LYZL2: variants seen among roughly 807,000 people sequenced by gnomAD.
LYZL2 encodes the protein lysozyme-like protein 2.
LYZL2 carries 13 observed loss-of-function variants against 17.1 expected under a neutral mutation model. The ratio of observed to expected loss-of-function variants is 0.76; its 90% confidence interval spans 0.49 to 1.21. The LOEUF (loss-of-function observed/expected upper bound fraction) is 1.21, where lower values mean the gene tolerates loss of function less well. Among genes scored for constraint, LYZL2 ranks in the 50% most tolerant of loss-of-function variants. The probability of loss-of-function intolerance (pLI) is 0.00; values close to 1 mark genes in which losing one functional copy is unlikely to be tolerated. For missense variants in LYZL2, 166 were observed against 189.2 expected, an observed-to-expected ratio of 0.88 and a Z score of 0.72; for synonymous variants, 63 against 74.4, an observed-to-expected ratio of 0.85 and a Z score of 0.79.
At chr10:30,615,280 GA>G (rs1564407153) in intron 3 of LYZL2, among the ~76,000 whole-genome samples, 1 of 152,208 alleles carries the variant, frequency 6.6e-6, no homozygotes, top group Non-Finnish European at 1.5e-5. Context: ...AAGGAAGTGA[GA>G]CCCAGAAAGA....
chr10:30,629,660 T>C lies in LYZL2; in HGVS notation c.-93A>G, dbSNP rs1233898221. On this transcript the variant is annotated 5_prime_UTR_variant, in exon 1 of 5. Transcript: ENST00000647634. Reference sequence around the variant, plus strand: ...TCAGTTGAGTCTGCGGAAGAAACACTGCTCCACTTAGTCGGTGACAGGCAG... The same window carrying C: ...TCAGTTGAGTCTGCGGAAGAAACACCGCTCCACTTAGTCGGTGACAGGCAG... The C allele has an allele frequency of 1.2e-6, 2 of 1,614,092 alleles. No individual in the cohort carries two copies. Among genetic ancestry groups the C allele is most frequent in the African/African-American group, 2.7e-5 (2 of 74,956 alleles).
At chr10:30,627,180 T>C (rs150974535) in intron 1 of LYZL2, among the ~76,000 whole-genome samples, 2,124 of 148,508 alleles carry the variant, frequency 0.014, 38 homozygotes, top group African/African-American at 0.043. Context: ...GTTAAGTAAG[T>C]GAAAAAATTA....
At position 30,611,938 on chromosome 10, in the gene LYZL2, C is replaced by G. The variant is rs1200402874; in HGVS notation, c.*17G>C. On this transcript the variant is annotated 3_prime_UTR_variant, in exon 5 of 5. Transcript: ENST00000647634. ...CCCTAGGGCGTTGCTGCAAAGCATC[C>G]TGGGTCCAGTTCCAGTTTAGGAAAC... is the stretch of plus-strand genomic sequence containing the variant. The G allele has an allele frequency of 6.2e-7, 1 of 1,614,078 alleles. No individual in the cohort carries two copies. The highest frequency in any genetic ancestry group is 1.3e-5 in the African/African-American group (1 of 74,942).
At chr10:30,629,074 G>A (rs1230112523) in intron 1 of LYZL2, among the ~76,000 whole-genome samples, 1 of 152,176 alleles carries the variant, frequency 6.6e-6, no homozygotes, top group Non-Finnish European at 1.5e-5. Flanking sequence ...GCTAAGCTGT[G>A]AGGGACAGAC....
chr10:30,615,117 CAT>C (rs1588673731), intron 3 of LYZL2, among the ~76,000 whole-genome samples: 1 of 152,044 alleles, frequency 6.6e-6, no homozygotes, highest in Admixed American at 6.5e-5. Flanking sequence ...GCATTAGCAA[CAT>C]GTGATAATTT....
At chr10:30,612,924 G>T in intron 3 of LYZL2, 24 bp from the exon 4 acceptor site, 1 of 1,598,436 alleles carries the variant, frequency 6.3e-7, no homozygotes, top group Non-Finnish European at 8.6e-7. Context: ...GGTCATCAGG[G>T]TTAGGCGAGA....
downstream of LYZL2, among the ~76,000 whole-genome samples, chr10:30,610,114 T>A (rs944192609): frequency 1.3e-5 from 1 of 79,712 alleles, no homozygotes; most frequent in Non-Finnish European, 2.5e-5. Flanking sequence ...TAACAATAGC[T>A]GATGAGCTAA....
rs183600713 is a variant in LYZL2 at position 30,627,119 on chromosome 10, C to T, written c.-25-179G>A. Among the ~76,000 whole-genome samples, 20 of 152,296 alleles carry T rather than the reference C, an allele frequency of 1.3e-4. No individual in the cohort carries two copies. The East Asian group carries it at 3.1e-3, about 23-fold the overall frequency. Reference sequence around the variant, plus strand: ...GAAGGAATGTGACTGCAGGCTGTCTCCTTAATGCTTTTCCATACAGTAACT... The same window carrying T: ...GAAGGAATGTGACTGCAGGCTGTCTTCTTAATGCTTTTCCATACAGTAACT... On this transcript the variant is annotated intron_variant, in intron 1 of 4. Transcript: ENST00000647634.
intron 3 of LYZL2, among the ~76,000 whole-genome samples, chr10:30,615,577 G>T (rs751365642): frequency 1.3e-4 from 20 of 151,914 alleles, no homozygotes; most frequent in Non-Finnish European, 2.8e-4. Context: ...CACACACACA[G>T]TAATTATGTG....
rs56384454 is a variant in LYZL2 at position 30,625,824 on chromosome 10, A to G, written c.298+281T>C. Among the ~76,000 whole-genome samples the G allele has an allele frequency of 1.9e-3, 282 of 152,330 alleles. 3 individuals carry two copies. The highest frequency in any genetic ancestry group is 6.4e-3 in the African/African-American group (267 of 41,572). ...CTTTTTCTTACTGAAGACATCAAAT[A>G]TCTCTATACATGAAAGCACAGTAGG... On this transcript the variant is annotated intron_variant, in intron 3 of 4. Coordinates refer to ENST00000647634, the MANE Select transcript of LYZL2 (RefSeq NM_183058.3).
chr10:30,616,271 A>G (rs958944801), intron 3 of LYZL2, among the ~76,000 whole-genome samples: 5 of 152,266 alleles, frequency 3.3e-5, no homozygotes, highest in African/African-American at 1.2e-4. Context: ...TCTATTAACC[A>G]GGAGAAAAAG....
At chr10:30,606,560 T>A in the LYZL2 span, among the ~76,000 whole-genome samples, 1 of 152,168 alleles carries the variant, frequency 6.6e-6, no homozygotes, top group Non-Finnish European at 1.5e-5. Flanking sequence ...GTTTGTGCCA[T>A]GTGCTTCTAA....
At chr10:30,624,955 G>A (rs1380221319) in intron 3 of LYZL2, among the ~76,000 whole-genome samples, 1 of 152,198 alleles carries the variant, frequency 6.6e-6, no homozygotes, top group African/African-American at 2.4e-5. Context: ...GATGGAGTAA[G>A]GGGCCATGAG....
At position 30,629,587 on chromosome 10, in the gene LYZL2, T is replaced by G. The variant is rs1838774252; in HGVS notation, c.-26+6A>C. ...GGTGGCTTCATAAGAGTAATTTAGG[T>G]CTTACTGAAAAGGCAGATTCCTGGT... On this transcript the variant is annotated splice_donor_region_variant and intron_variant, in intron 1 of 4. Transcript: ENST00000647634. The G allele has an allele frequency of 6.2e-7, 1 of 1,613,854 alleles. No homozygotes were observed. The highest frequency in any genetic ancestry group is 8.5e-7 in the Non-Finnish European group (1 of 1,179,822).
intron 2 of LYZL2, 136 bp from the exon 3 acceptor site, chr10:30,626,399 A>T: frequency 2.1e-6 from 3 of 1,414,052 alleles, no homozygotes; most frequent in Non-Finnish European, 2.8e-6. Context: ...CAGGGCGGGC[A>T]TGTGCCCAGG....
intron 3 of LYZL2, among the ~76,000 whole-genome samples, chr10:30,620,513 G>A (rs748866325): frequency 2.0e-5 from 3 of 152,122 alleles, no homozygotes; most frequent in Non-Finnish European, 4.4e-5. Context: ...CCTTTGCTAT[G>A]TGTCTTTTGT....
rs1318562257 is a variant in LYZL2 at position 30,626,253 on chromosome 10, C to T, written c.150G>A (p.Met50Ile). ...WGFSLGNWIC[M>I]AYYESGYNTT... Reference sequence around the variant, plus strand: ...TGTTGTAGCCGCTCTCATAATACGCCATGCAGATCCCTGGAGGGGGGAAAG... The same window carrying T: ...TGTTGTAGCCGCTCTCATAATACGCTATGCAGATCCCTGGAGGGGGGAAAG... The change falls in exon 3 of 5, where the codon ATG becomes ATA. Residue 50 changes from methionine to isoleucine, a missense_variant. Physicochemically the swap from Met to Ile is conservative, Grantham distance 10. This residue lies in a region of LYZL2 where 134 missense variants were observed against 129.4 expected (regional missense o/e 1.04). Transcript: ENST00000647634. The T allele has an allele frequency of 1.3e-5, 21 of 1,613,896 alleles. No individual in the cohort carries two copies. The highest frequency in any genetic ancestry group is 1.8e-5 in the Non-Finnish European group (21 of 1,179,968).
chr10:30,614,795 T>C (rs1239941874), intron 3 of LYZL2, among the ~76,000 whole-genome samples: 1 of 152,200 alleles, frequency 6.6e-6, no homozygotes, highest in African/African-American at 2.4e-5. Context: ...GAGGTTTTTA[T>C]CCTTTCACCT....
At chr10:30,620,238 G>A (rs192093698) in intron 3 of LYZL2, among the ~76,000 whole-genome samples, 15 of 152,350 alleles carry the variant, frequency 9.8e-5, no homozygotes, top group Non-Finnish European at 2.2e-4. Context: ...GACATGAGAT[G>A]TATGGACAAT....
Sources: allele counts gnomAD v4.1 joint callset (sites outside exome capture counted in the v4.1 genomes callset), GRCh38; gene constraint gnomAD v4.1.1; regional missense constraint gnomAD v4.1.1; transcripts MANE v1.5; gene names NCBI Gene and HGNC (gene_info 2026-07-23, HGNC 2026-07-21).